Variants in SYT14 observed in about 807,000 individuals in gnomAD.
SYT14 encodes synaptotagmin 14.
In SYT14, 32 loss-of-function variants were observed where a neutral mutation model predicts 74.2. That is an observed-to-expected ratio of 0.43 (90% CI 0.33 to 0.58). The LOEUF is 0.58. SYT14 is among the 20% of genes least tolerant of loss of function. The pLI, the probability that SYT14 is intolerant of heterozygous loss-of-function variation, is 0.05. For missense variants in SYT14, 791 were observed against 981.8 expected (o/e 0.81, Z 2.60); for synonymous variants, 298 against 337.7 (o/e 0.88, Z 1.29).
chr1:210,099,455 A>G (rs1476065526), intron 6 of SYT14, among the ~76,000 whole-genome samples: 1 of 152,194 alleles, frequency 6.6e-6, no homozygotes, highest in Non-Finnish European at 1.5e-5. Flanking sequence ...TTGACCGCTA[A>G]TATTTTGAGA....
intron 5 of SYT14, among the ~76,000 whole-genome samples, chr1:210,051,417 A>T (rs189849101): frequency 6.6e-6 from 1 of 152,268 alleles, no homozygotes; most frequent in South Asian, 2.1e-4. Flanking sequence ...TGAGTTTTTC[A>T]ATTTGTTTTT....
At chr1:210,110,665 C>G (rs575452169) in intron 7 of SYT14, among the ~76,000 whole-genome samples, 3 of 152,338 alleles carry the variant, frequency 2.0e-5, no homozygotes, top group South Asian at 4.1e-4. Context: ...AAATGTCAAT[C>G]TCAGTCATAA....
chr1:210,009,109 A>C (rs574101662), intron 2 of SYT14, among the ~76,000 whole-genome samples: 1 of 152,226 alleles, frequency 6.6e-6, no homozygotes, highest in African/African-American at 2.4e-5. Flanking sequence ...TGAGCTGCAT[A>C]TGTCTGGCAG....
intron 7 of SYT14, among the ~76,000 whole-genome samples, chr1:210,133,817 C>T (rs138427630): frequency 1.7e-3 from 255 of 148,822 alleles, no homozygotes; most frequent in Admixed American, 4.3e-3. Context: ...ATGTCTTAGT[C>T]ACAGCTGATT....
At chr1:210,164,910 T>C (rs2083440156) in exon 10 of SYT14, 1 of 152,180 alleles carries the variant, frequency 6.6e-6, no homozygotes, top group Admixed American at 6.5e-5. Context: ...TATTTAATAT[T>C]GAATACAAGT....
At chr1:210,111,022 G>T (rs2082251938) in intron 7 of SYT14, among the ~76,000 whole-genome samples, 1 of 152,204 alleles carries the variant, frequency 6.6e-6, no homozygotes, top group African/African-American at 2.4e-5. Flanking sequence ...GGGATTACAG[G>T]TGTGAGCCAC....
At chr1:210,091,679 C>T (rs2081870806) in intron 5 of SYT14, among the ~76,000 whole-genome samples, 1 of 152,124 alleles carries the variant, frequency 6.6e-6, no homozygotes, top group South Asian at 2.1e-4. Context: ...TCATTTTGTA[C>T]CAACATTCTT....
chr1:210,132,493 C>T (rs899790915), intron 7 of SYT14, among the ~76,000 whole-genome samples: 1 of 151,744 alleles, frequency 6.6e-6, no homozygotes, highest in Admixed American at 6.6e-5. Context: ...TTTCATCACC[C>T]TTAATTGGTT....
Position 210,051,443 on chromosome 1 carries a change from T to A in SYT14, c.1312+30189T>A, listed in dbSNP as rs576843060. On this transcript the variant is annotated intron_variant, in intron 5 of 9. Coordinates refer to ENST00000637265, the Ensembl canonical transcript of SYT14. ...ATTTGTTTTTGAATATGTAAAACAT[T>A]AGTCTAAATTAAAAGCTAAATAAAA... is the stretch of plus-strand genomic sequence containing the variant. Among the ~76,000 whole-genome samples, 12 of 152,310 alleles carry A rather than the reference T, an allele frequency of 7.9e-5. 2 individuals are homozygous for A. In the South Asian group the frequency reaches 2.5e-3, roughly 32 times the overall value.
intron 2 of SYT14, among the ~76,000 whole-genome samples, chr1:209,969,188 A>G (rs2079204878): frequency 6.6e-6 from 1 of 152,088 alleles, no homozygotes; most frequent in African/African-American, 2.4e-5. Flanking sequence ...GCTATTGTGA[A>G]TAATGCTGTG....
At chr1:210,169,234 T>TG (rs1558238399) in exon 10 of SYT14, 2 of 139,540 alleles carry the variant, frequency 1.4e-5, no homozygotes, top group East Asian at 2.0e-4. Context: ...TTTTTTTTTT[T>TG]TTTTTTTTTT....
intron 5 of SYT14, among the ~76,000 whole-genome samples, chr1:210,037,579 T>C (rs995336344): frequency 2.0e-5 from 3 of 151,578 alleles, no homozygotes; most frequent in African/African-American, 7.3e-5. Flanking sequence ...CATAGTGCTA[T>C]AGACTGCCTC....
At chr1:209,961,938 C>T (rs2079081688) in intron 2 of SYT14, among the ~76,000 whole-genome samples, 1 of 152,026 alleles carries the variant, frequency 6.6e-6, no homozygotes, top group African/African-American at 2.4e-5. Flanking sequence ...GAAGTGGCTC[C>T]TAGTATGAAA....
chr1:210,087,912 T>G (rs2081770926), intron 5 of SYT14, among the ~76,000 whole-genome samples: 1 of 152,308 alleles, frequency 6.6e-6, no homozygotes, highest in South Asian at 2.1e-4. Flanking sequence ...GCTGAAATTT[T>G]CAGAAAGAGA....
chr1:210,040,456 G>A (rs560974419), intron 5 of SYT14, among the ~76,000 whole-genome samples: 4 of 151,732 alleles, frequency 2.6e-5, no homozygotes, highest in African/African-American at 7.2e-5. Context: ...ACCATGGCAC[G>A]TGTAAACCTA....
chr1:210,086,061 A>AT (rs1311988736), intron 5 of SYT14, among the ~76,000 whole-genome samples: 1 of 152,144 alleles, frequency 6.6e-6, no homozygotes, highest in East Asian at 1.9e-4. Context: ...TCTGTAATAG[A>AT]TAAAAGATTA....
intron 5 of SYT14, among the ~76,000 whole-genome samples, chr1:210,050,531 C>T (rs1319464533): frequency 6.6e-6 from 1 of 152,178 alleles, no homozygotes; most frequent in Non-Finnish European, 1.5e-5. Flanking sequence ...TTCAGCAGGA[C>T]CCCACTCTAA....
intron 7 of SYT14, among the ~76,000 whole-genome samples, chr1:210,154,065 A>G (rs1056033464): frequency 6.6e-6 from 1 of 152,214 alleles, no homozygotes; most frequent in African/African-American, 2.4e-5. Context: ...AACTAGCATT[A>G]TTAATTAGAA....
intron 5 of SYT14, among the ~76,000 whole-genome samples, chr1:210,072,583 A>G (rs1317966581): frequency 3.3e-5 from 5 of 152,066 alleles, no homozygotes; most frequent in African/African-American, 9.6e-5. Context: ...ACATGGGAGT[A>G]CAGGAGTACA....
Sources: allele counts gnomAD v4.1 joint callset (sites outside exome capture counted in the v4.1 genomes callset), GRCh38; gene constraint gnomAD v4.1.1; transcripts MANE v1.5; gene names NCBI Gene and HGNC (gene_info 2026-07-23, HGNC 2026-07-21).